The following EXD3 variants were observed in gnomAD, a reference collection of about 807,000 sequenced individuals.
EXD3 encodes exonuclease 3'-5' domain containing 3, also known as exonuclease mut-7 homolog.
Under a neutral mutation model 98.0 loss-of-function variants are expected in EXD3, and 92 were observed. The ratio of observed to expected loss-of-function variants is 0.94; its 90% CI spans 0.79 to 1.12. The LOEUF (loss-of-function observed/expected upper bound fraction) is 1.12. Ranked by LOEUF, EXD3 falls within the 50% of genes most tolerant of loss-of-function variation. EXD3 has a pLI of 0.00. For missense variants in EXD3, 1,222 were observed against 1,191.6 expected (o/e 1.03, Z -0.38); for synonymous variants, 569 against 526.0 (o/e 1.08, Z -1.12).
chr9:137,308,283 A>G (rs1047103262), intron 20 of EXD3, among the ~76,000 whole-genome samples: 1 of 152,160 alleles, frequency 6.6e-6, no homozygotes, highest in Non-Finnish European at 1.5e-5. Flanking sequence ...GCATTTCGCT[A>G]CAGATGGCTC....
At chr9:137,391,648 C>A (rs1333157349) in intron 2 of EXD3, among the ~76,000 whole-genome samples, 2 of 151,712 alleles carry the variant, frequency 1.3e-5, no homozygotes, top group African/African-American at 4.8e-5. Flanking sequence ...CCCCGCCCCG[C>A]CCCGCCTCGC....
At chr9:137,394,775 A>G (rs1837123533) in intron 2 of EXD3, among the ~76,000 whole-genome samples, 3 of 152,168 alleles carry the variant, frequency 2.0e-5, no homozygotes, top group Admixed American at 1.3e-4. Flanking sequence ...TTAACCTGAA[A>G]AAGCTGCTGG....
At chr9:137,351,254 G>A (rs1834285166) in intron 13 of EXD3, 64 bp downstream of exon 13, 3 of 1,552,768 alleles carry the variant, frequency 1.9e-6, no homozygotes, top group African/African-American at 1.4e-5. Flanking sequence ...GGAGGGAAGG[G>A]TCAGGCAGGG....
intron 16 of EXD3, among the ~76,000 whole-genome samples, 160 bp from the exon 17 acceptor site, chr9:137,348,398 C>T (rs551543686): frequency 9.6e-4 from 144 of 149,412 alleles, no homozygotes; most frequent in Non-Finnish European, 1.1e-3. Context: ...GAAACGCAGA[C>T]AAAATGCAGT....
At chr9:137,382,017 G>A (rs1156768235) in intron 3 of EXD3, among the ~76,000 whole-genome samples, 1 of 144,480 alleles carries the variant, frequency 6.9e-6, no homozygotes, top group Non-Finnish European at 1.5e-5. Context: ...AGGTGAGGAC[G>A]CGGGGAGGAG....
intron 1 of EXD3, among the ~76,000 whole-genome samples, chr9:137,402,509 C>T (rs144386535): frequency 1.5e-4 from 23 of 152,322 alleles, no homozygotes; most frequent in African/African-American, 5.5e-4. Context: ...AACAAGTTCC[C>T]CATCTCCATT....
rs1343510825 is a variant in EXD3 at position 137,354,680 on chromosome 9, AC to A, written c.831+19del. 8 of 1,609,456 alleles carry A rather than the reference AC, an allele frequency of 5.0e-6. No homozygotes were observed. The highest frequency in any genetic ancestry group is 6.8e-6 in the Non-Finnish European group (8 of 1,179,604). On this transcript the variant is annotated intron_variant, in intron 9 of 21. Coordinates refer to ENST00000340951, the MANE Select transcript of EXD3 (RefSeq NM_017820.5). Reference sequence around the variant, plus strand: ...CAGGCCGCGGCTGGCTGCCCCCAGGACCCCCTCCTGCTCACGAACCTCCACA... The same window carrying A: ...CAGGCCGCGGCTGGCTGCCCCCAGGACCCCTCCTGCTCACGAACCTCCACA...
intron 1 of EXD3, among the ~76,000 whole-genome samples, chr9:137,401,303 G>A (rs965351827): frequency 3.3e-5 from 5 of 151,948 alleles, no homozygotes; most frequent in African/African-American, 1.2e-4. Context: ...ACAGATGCCC[G>A]CCACCACACC....
intron 1 of EXD3, among the ~76,000 whole-genome samples, chr9:137,412,142 G>A (rs1458938371): frequency 2.6e-5 from 4 of 152,244 alleles, no homozygotes; most frequent in African/African-American, 9.6e-5. Flanking sequence ...GCAAGGACAG[G>A]GGGCTGGAGG....
intron 19 of EXD3, among the ~76,000 whole-genome samples, chr9:137,318,542 A>G (rs768467207): frequency 1.2e-4 from 19 of 152,068 alleles, no homozygotes; most frequent in Non-Finnish European, 2.4e-4. Flanking sequence ...GGTTCATGGT[A>G]AGGGTTTTTT....
rs62589338 is a variant in EXD3, at chr9:137,407,147, G to A, written c.-47-11743C>T. 3.7e-4 allele frequency among the ~76,000 whole-genome samples: 56 copies of A among 152,148 alleles called. No individual in the cohort carries two copies. The highest frequency in any genetic ancestry group is 6.3e-4 in the Non-Finnish European group (43 of 68,002). On this transcript the variant is annotated intron_variant, in intron 1 of 21. Coordinates refer to ENST00000340951, the MANE Select transcript of EXD3 (RefSeq NM_017820.5). This position sits in a 1 kb window ranked among gnomAD's most constrained non-coding sequence, Gnocchi z 4.4. ...ACCCCACGCCGACCGCCGCGCGTCC[G>A]GGCCGGTCTCTGGGCCCCTCTGCTG...
intron 1 of EXD3, among the ~76,000 whole-genome samples, chr9:137,412,800 G>A: frequency 6.6e-6 from 1 of 152,156 alleles, no homozygotes; most frequent in Non-Finnish European, 1.5e-5. Context: ...ATTTTTTTGA[G>A]ACAGGGTCTC....
At chr9:137,332,706 A>G (rs563482313) in intron 17 of EXD3, among the ~76,000 whole-genome samples, 1 of 151,832 alleles carries the variant, frequency 6.6e-6, no homozygotes, top group East Asian at 1.9e-4. Context: ...CTAGCCATGC[A>G]TGGTGGCGGG....
At chr9:137,356,479 T>G (rs1834798308) in intron 7 of EXD3, 111 bp from the exon 8 acceptor site, 3 of 755,194 alleles carry the variant, frequency 4.0e-6, no homozygotes, top group Non-Finnish European at 6.5e-6. Flanking sequence ...CAAGTGAGGT[T>G]TATAAGAAAA....
At chr9:137,363,856 G>A (rs1010087972) in intron 7 of EXD3, among the ~76,000 whole-genome samples, 1 of 152,048 alleles carries the variant, frequency 6.6e-6, no homozygotes, top group South Asian at 2.1e-4. Flanking sequence ...AAGTATATTT[G>A]CATTAAGTTG....
rs979318484 is a variant in EXD3 at position 137,311,070 on chromosome 9, A to G, written c.2185-1370T>C. Reference sequence around the variant, plus strand: ...GAGCCTTTCGAAACTAAGAGGCTGCACTACCTGCCTCCAGCATTGCAGCCC... The same window carrying G: ...GAGCCTTTCGAAACTAAGAGGCTGCGCTACCTGCCTCCAGCATTGCAGCCC... On this transcript the variant is annotated intron_variant, in intron 19 of 21. Transcript: ENST00000340951. Among the ~76,000 whole-genome samples the G allele has an allele frequency of 2.6e-5, 4 of 152,176 alleles. No individual in the cohort carries two copies. In the South Asian group the frequency reaches 6.2e-4, roughly 24 times the overall value.
chr9:137,318,711 C>T (rs896652618), intron 19 of EXD3, among the ~76,000 whole-genome samples: 4 of 152,054 alleles, frequency 2.6e-5, no homozygotes, highest in African/African-American at 7.2e-5. Flanking sequence ...CATCCTCGCT[C>T]GAGGGGAGAC....
intron 20 of EXD3, among the ~76,000 whole-genome samples, chr9:137,308,975 C>T (rs759298969): frequency 1.4e-4 from 21 of 152,290 alleles, no homozygotes; most frequent in Non-Finnish European, 2.2e-4. Flanking sequence ...CACCTCCATT[C>T]CCTTAGCCCC....
chr9:137,323,833 C>T lies in EXD3; in HGVS notation c.2076G>A (p.Gly692=). The T allele has an allele frequency of 6.2e-7, 1 of 1,611,814 alleles. No individual in the cohort carries two copies. ...FHKLRAQVGA[G]RCLSVDCSLK... is the part of the protein sequence containing the mutation. ...GGGAGCAGTCGACCGAGAGGCAGCGCCCAGCCCCGACCTGGGCCCGGAGCT... is the reference window on the plus strand; with the variant it reads ...GGGAGCAGTCGACCGAGAGGCAGCGTCCAGCCCCGACCTGGGCCCGGAGCT... The change falls in exon 19 of 22, where the codon GGG becomes GGA. Residue 692 remains glycine (G), a synonymous_variant. Coordinates refer to ENST00000340951, the MANE Select transcript of EXD3 (RefSeq NM_017820.5).
Sources: gnomAD v4.1 joint callset for allele counts (sites outside exome capture counted in the v4.1 genomes callset) on GRCh38, gnomAD v4.1.1 for gene constraint, Gnocchi (gnomAD v3.1) non-coding constraint, MANE v1.5 for transcripts, NCBI Gene and HGNC (gene_info 2026-07-23, HGNC 2026-07-21) for gene names.